The following SPTBN4 variants were observed in gnomAD, a reference collection of about 807,000 sequenced individuals.
The protein encoded by SPTBN4 is spectrin beta, non-erythrocytic 4, also known as spectrin beta chain, non-erythrocytic 4.
SPTBN4 carries 96 observed loss-of-function variants against 277.8 expected under a neutral mutation model. That is an observed-to-expected ratio of 0.35 (90% CI 0.29 to 0.41). SPTBN4 has a LOEUF of 0.41. Ranked by LOEUF, SPTBN4 falls within the 10% of genes least tolerant of loss-of-function variation. SPTBN4 has a pLI of 1.00. For missense variants in SPTBN4, 3,006 were observed against 3,595.7 expected (o/e 0.84, Z 4.19); for synonymous variants, 1,481 against 1,580.3 (o/e 0.94, Z 1.49).
At chr19:40,561,627 G>A (rs1471972921) in intron 27 of SPTBN4, among the ~76,000 whole-genome samples, 1 of 151,982 alleles carries the variant, frequency 6.6e-6, no homozygotes, top group Admixed American at 6.6e-5. Flanking sequence ...TTTGAGACCA[G>A]CCTAGCCAAC....
chr19:40,506,873 T>A (rs1396956382), intron 13 of SPTBN4, among the ~76,000 whole-genome samples: 1 of 151,912 alleles, frequency 6.6e-6, no homozygotes, highest in Non-Finnish European at 1.5e-5. Flanking sequence ...TAGTGCCAGC[T>A]ATTTGGAGGC....
At chr19:40,487,605 C>T in intron 2 of SPTBN4, 92 bp from the exon 3 acceptor site, 1 of 1,486,436 alleles carries the variant, frequency 6.7e-7, no homozygotes, top group Non-Finnish European at 9.0e-7. Flanking sequence ...AGGCTGGACT[C>T]TTGCAGAGAG....
chr19:40,570,168 A>C (rs1335128232), intron 32 of SPTBN4, among the ~76,000 whole-genome samples: 1 of 151,726 alleles, frequency 6.6e-6, no homozygotes, highest in Non-Finnish European at 1.5e-5. Context: ...CAGTGGGGAC[A>C]CGCCCTGCTT....
intron 3 of SPTBN4, among the ~76,000 whole-genome samples, chr19:40,489,657 G>A (rs2080114424): frequency 6.6e-6 from 1 of 152,166 alleles, no homozygotes; most frequent in South Asian, 2.1e-4. Flanking sequence ...CAAAGTGCTG[G>A]GATTACAGGA....
chr19:40,530,656 C>T (rs1407004435), intron 18 of SPTBN4: 1 of 801,710 alleles, frequency 1.2e-6, no homozygotes, highest in Non-Finnish European at 1.5e-6. Context: ...GGAGGGGGCT[C>T]GGGCGCGTGC....
At chr19:40,509,349 G>A (rs1212484585) in intron 13 of SPTBN4, among the ~76,000 whole-genome samples, 10 of 152,068 alleles carry the variant, frequency 6.6e-5, no homozygotes, top group Admixed American at 5.2e-4. Flanking sequence ...GGGTTCAAGC[G>A]ATTCTTCTGC....
intron 18 of SPTBN4, chr19:40,530,718 G>T (rs1482572670): frequency 3.1e-6 from 1 of 326,028 alleles, no homozygotes; most frequent in African/African-American, 2.3e-5. Flanking sequence ...GGGGCGGGCC[G>T]GGCAGGCGCC....
rs779890467 is a variant in SPTBN4, at chr19:40,567,699, C to G, written c.6373C>G (p.Pro2125Ala). Residue 2125 changes from proline (P) to alanine (A), a missense_variant, in exon 31 of 36, where the codon CCT becomes GCT. Pro to Ala is a conservative substitution (Grantham distance 27, BLOSUM62 -1). Around this residue, in one of 5 missense-constraint regions of SPTBN4, gnomAD observed 630 missense variants for 677.6 expected, o/e 0.93. Transcript: ENST00000598249. ...KIKAEQSKQP[P>A]TPLLGRKFFG... The stretch of plus-strand genomic sequence containing the variant: ...CAAAGCGGAACAGAGCAAGCAGCCG[C>G]CTACCCCACTGCTGGGGCGCAAGTT... 6.4e-7 allele frequency: 1 copy of G among 1,553,498 alleles called. No homozygotes were observed. The highest frequency in any genetic ancestry group is 8.7e-7 in the Non-Finnish European group (1 of 1,151,772).
intron 2 of SPTBN4, among the ~76,000 whole-genome samples, chr19:40,477,412 G>A (rs1012243581): frequency 6.6e-6 from 1 of 152,152 alleles, no homozygotes; most frequent in Non-Finnish European, 1.5e-5. Flanking sequence ...AACATGAGGG[G>A]CATAGTGGTG....
intron 1 of SPTBN4, among the ~76,000 whole-genome samples, chr19:40,469,528 G>A (rs1385414494): frequency 2.0e-5 from 3 of 152,042 alleles, no homozygotes; most frequent in Non-Finnish European, 4.4e-5. Flanking sequence ...CTCCCAAAGT[G>A]CTAGGATTAC....
At chr19:40,509,371 G>C (rs1372333915) in intron 13 of SPTBN4, among the ~76,000 whole-genome samples, 2 of 152,006 alleles carry the variant, frequency 1.3e-5, no homozygotes, top group Non-Finnish European at 2.9e-5. Context: ...TCAGCCTCCC[G>C]AGTAGCTGGG....
intron 22 of SPTBN4, among the ~76,000 whole-genome samples, chr19:40,550,644 A>G (rs887524025): frequency 3.3e-5 from 5 of 150,102 alleles, no homozygotes; most frequent in African/African-American, 1.2e-4. Flanking sequence ...CTGGGATTAC[A>G]TGTGTGCACC....
chr19:40,549,935 G>A (rs978544748), intron 21 of SPTBN4, among the ~76,000 whole-genome samples: 3 of 152,184 alleles, frequency 2.0e-5, no homozygotes, highest in Admixed American at 6.5e-5. Context: ...AAAGGCCAAC[G>A]GTGTGAGCCT....
At chr19:40,526,223 A>G (rs1329198810) in intron 17 of SPTBN4, among the ~76,000 whole-genome samples, 1 of 123,946 alleles carries the variant, frequency 8.1e-6, no homozygotes, top group African/African-American at 3.2e-5. Flanking sequence ...CCCAGGCAGG[A>G]GTGTAGTGGC....
intron 16 of SPTBN4, 35 bp from the exon 17 acceptor site, chr19:40,523,402 A>T: frequency 6.4e-7 from 1 of 1,556,664 alleles, no homozygotes; most frequent in Non-Finnish European, 8.7e-7. Context: ...GAATGGAATG[A>T]GGCTGACCTT....
At chr19:40,550,411 A>T in intron 22 of SPTBN4, 84 bp downstream of exon 22, 3 of 1,275,634 alleles carry the variant, frequency 2.4e-6, no homozygotes, top group Non-Finnish European at 3.3e-6. Context: ...AGCCAAAACA[A>T]TGAATGTATT....
Position 40,575,523 on chromosome 19 carries a change from C to T in SPTBN4, c.7649C>T (p.Pro2550Leu). The T allele has an allele frequency of 6.2e-7, 1 of 1,613,136 alleles. No individual in the cohort carries two copies. Among genetic ancestry groups the T allele is most frequent in the Non-Finnish European group, 8.5e-7 (1 of 1,179,816 alleles). The part of the protein sequence containing the change: ...PTTSSTDEGN[P>L]KREGGDRRAS... ...ACTTCATCCACAGATGAGGGCAACC[C>T]TAAGAGGGAAGGCGGAGATCGCAGG... The change falls in exon 36 of 36, where the codon CCT becomes CTT. Residue 2550 changes from proline (P) to leucine (L), a missense_variant. Physicochemically the swap from Pro to Leu is moderately conservative, Grantham distance 98 (BLOSUM62 -3). This residue lies in a region of SPTBN4 where 630 missense variants were observed against 677.6 expected (regional missense o/e 0.93). Transcript: ENST00000598249.
At chr19:40,531,628 C>A (rs2080675651) in intron 18 of SPTBN4, among the ~76,000 whole-genome samples, 1 of 150,282 alleles carries the variant, frequency 6.7e-6, no homozygotes, top group African/African-American at 2.5e-5. Flanking sequence ...TGGTTTTTTA[C>A]TGGAGGGGGT....
chr19:40,557,918 C>CAAAAAAAA (rs772813414), intron 26 of SPTBN4, among the ~76,000 whole-genome samples: 1 of 44,338 alleles, frequency 2.3e-5, no homozygotes, highest in African/African-American at 8.3e-5. Flanking sequence ...TACTCTGTCT[C>CAAAAAAAA]AAAAAAAAAA....
Sources: allele counts gnomAD v4.1 joint callset (sites outside exome capture counted in the v4.1 genomes callset), GRCh38; gene constraint gnomAD v4.1.1; regional missense constraint gnomAD v4.1.1; transcripts MANE v1.5; gene names NCBI Gene and HGNC (gene_info 2026-07-23, HGNC 2026-07-21).